The following FMNL2 variants were observed in gnomAD, a reference collection of about 807,000 sequenced individuals.
FMNL2 encodes the protein formin-like protein 2.
Under a neutral mutation model 130.2 loss-of-function variants are expected in FMNL2, and 51 were observed. The observed-to-expected ratio is 0.39, with a 90% CI of 0.31 to 0.49. The LOEUF (loss-of-function observed/expected upper bound fraction) is 0.49. Among genes scored for constraint, FMNL2 ranks in the 20% least tolerant of loss-of-function variants. FMNL2 has a pLI of 0.85. For missense variants in FMNL2, 977 were observed against 1,316.2 expected, an observed-to-expected ratio of 0.74 and a Z score of 3.99; for synonymous variants, 465 against 467.1, an observed-to-expected ratio of 1.00 and a Z score of 0.06.
intron 1 of FMNL2, among the ~76,000 whole-genome samples, chr2:152,481,464 A>G (rs1016112101): frequency 6.6e-6 from 1 of 152,208 alleles, no homozygotes; most frequent in African/African-American, 2.4e-5. Context: ...CTACCCTGGT[A>G]TTTCACGTGA....
chr2:152,546,057 T>C (rs17327856), intron 3 of FMNL2, among the ~76,000 whole-genome samples: 11,938 of 152,202 alleles, frequency 0.078, 577 homozygotes, highest in Middle Eastern at 0.17. Context: ...ACATAGCTCT[T>C]AGTCCTTCAG....
intron 1 of FMNL2, among the ~76,000 whole-genome samples, chr2:152,348,788 G>C (rs1453563329): frequency 6.9e-6 from 1 of 143,906 alleles, no homozygotes; most frequent in African/African-American, 2.6e-5. Context: ...TTTGCAGAGT[G>C]CTCTCCAATT....
At chr2:152,552,761 A>G (rs1695007445) in intron 4 of FMNL2, among the ~76,000 whole-genome samples, 2 of 152,218 alleles carry the variant, frequency 1.3e-5, no homozygotes, top group African/African-American at 4.8e-5. Flanking sequence ...GTGTTAGAAT[A>G]CACTAGCCAT....
At chr2:152,519,216 C>G (rs1368668878) in intron 1 of FMNL2, among the ~76,000 whole-genome samples, 1 of 152,152 alleles carries the variant, frequency 6.6e-6, no homozygotes, top group Non-Finnish European at 1.5e-5. Context: ...TCTAAGACTA[C>G]CCTCTGATAA....
intron 11 of FMNL2, among the ~76,000 whole-genome samples, chr2:152,611,881 T>C (rs981126250): frequency 6.6e-6 from 1 of 152,234 alleles, no homozygotes; most frequent in Non-Finnish European, 1.5e-5. Flanking sequence ...TCCTCTCCTT[T>C]TGAGCTTCAT....
intron 1 of FMNL2, among the ~76,000 whole-genome samples, chr2:152,447,548 A>G (rs1688411977): frequency 6.6e-6 from 1 of 152,200 alleles, no homozygotes; most frequent in Non-Finnish European, 1.5e-5. Context: ...GCCATTTTAC[A>G]GTATGTAACC....
At chr2:152,539,987 G>A (rs1031980258) in intron 2 of FMNL2, among the ~76,000 whole-genome samples, 3 of 152,232 alleles carry the variant, frequency 2.0e-5, no homozygotes, top group African/African-American at 7.2e-5. Context: ...CTTCTTAGGA[G>A]GTGGAATTAG....
At chr2:152,441,829 C>T (rs540197497) in intron 1 of FMNL2, among the ~76,000 whole-genome samples, 9 of 116,294 alleles carry the variant, frequency 7.7e-5, no homozygotes, top group African/African-American at 3.8e-4. Flanking sequence ...AGCGACACTC[C>T]GTCTCAAAAA....
At chr2:152,450,876 C>T (rs114982194) in intron 1 of FMNL2, among the ~76,000 whole-genome samples, 2,388 of 152,298 alleles carry the variant, frequency 0.016, 32 homozygotes, top group Middle Eastern at 0.051. Context: ...GGTGATGTCC[C>T]TGCTCCATGT....
At position 152,561,001 on chromosome 2, in the gene FMNL2, A is replaced by C. The variant is rs1380584570; in HGVS notation, c.562A>C (p.Ser188Arg). Residue 188 changes from serine to arginine, a missense_variant, in exon 6 of 26, where the codon AGT becomes CGT. Ser to Arg is a moderately radical substitution (Grantham distance 110). Coordinates refer to ENST00000288670, the MANE Select transcript of FMNL2 (RefSeq NM_052905.4). ...CAACCTGCCCTCACCTGTGGGCAAC[A>C]GTGTCTCCCGCTCTGGAAGACATTC... ...GSNLPSPVGNSVSRSGRHSAL... is the reference protein window; with the variant it reads ...GSNLPSPVGNRVSRSGRHSAL... 9 of 1,603,718 alleles carry C rather than the reference A, an allele frequency of 5.6e-6. No individual in the cohort carries two copies. The South Asian group carries it at 7.8e-5, about 14-fold the overall frequency.
At chr2:152,602,044 G>A (rs947678008) in intron 9 of FMNL2, among the ~76,000 whole-genome samples, 2 of 152,186 alleles carry the variant, frequency 1.3e-5, no homozygotes, top group African/African-American at 4.8e-5. Context: ...TAACAACAGG[G>A]TAGTGGCTGA....
chr2:152,475,372 T>A (rs1316884020), intron 1 of FMNL2, among the ~76,000 whole-genome samples: 1 of 152,258 alleles, frequency 6.6e-6, no homozygotes, highest in African/African-American at 2.4e-5. Flanking sequence ...TGGAGATAGA[T>A]GTCCAACCTC....
chr2:152,538,582 A>G (rs1024827091), intron 2 of FMNL2, among the ~76,000 whole-genome samples: 5 of 152,162 alleles, frequency 3.3e-5, no homozygotes, highest in African/African-American at 1.2e-4. Context: ...ACCCAGCTGT[A>G]TTTTTATGAG....
At chr2:152,348,829 T>TTTTG (rs1682289382) in intron 1 of FMNL2, among the ~76,000 whole-genome samples, 1 of 107,092 alleles carries the variant, frequency 9.3e-6, no homozygotes, top group Non-Finnish European at 1.9e-5. Context: ...TTTTTTTTTT[T>TTTTG]TTTTTTTTTT....
intron 25 of FMNL2, among the ~76,000 whole-genome samples, chr2:152,641,224 T>C (rs906727382): frequency 1.3e-5 from 2 of 152,190 alleles, no homozygotes; most frequent in African/African-American, 2.4e-5. Context: ...ACCTGCCTGA[T>C]TAATAAACAC....
chr2:152,365,646 G>A (rs778942685), intron 1 of FMNL2, among the ~76,000 whole-genome samples: 3 of 152,008 alleles, frequency 2.0e-5, no homozygotes, highest in African/African-American at 2.4e-5. Flanking sequence ...GGTGGTGGAC[G>A]CCTATAATCC....
At chr2:152,448,494 A>C (rs1227755258) in intron 1 of FMNL2, among the ~76,000 whole-genome samples, 1 of 152,182 alleles carries the variant, frequency 6.6e-6, no homozygotes, top group Non-Finnish European at 1.5e-5. Context: ...GTTCAAACCA[A>C]CAGACTGAGG....
intron 1 of FMNL2, among the ~76,000 whole-genome samples, chr2:152,450,734 A>G (rs572352935): frequency 2.0e-5 from 3 of 152,244 alleles, no homozygotes; most frequent in East Asian, 3.9e-4. Flanking sequence ...CTGACCTCCC[A>G]TCGCAGTCTC....
intron 1 of FMNL2, among the ~76,000 whole-genome samples, chr2:152,416,882 A>G (rs1686646700): frequency 6.6e-6 from 1 of 152,248 alleles, no homozygotes; most frequent in African/African-American, 2.4e-5. Context: ...CAGGTAATTA[A>G]TTAGAGCAGC....
Sources: gnomAD v4.1 joint callset for allele counts (sites outside exome capture counted in the v4.1 genomes callset) on GRCh38, gnomAD v4.1.1 for gene constraint, MANE v1.5 for transcripts, NCBI Gene and HGNC (gene_info 2026-07-23, HGNC 2026-07-21) for gene names.